TMEM132C: variants seen among roughly 807,000 people sequenced by gnomAD.
The protein encoded by TMEM132C is transmembrane protein 132C.
Under a neutral mutation model 61.4 loss-of-function variants are expected in TMEM132C, and 29 were observed. That is an observed-to-expected ratio of 0.47 (90% CI 0.35 to 0.64). The LOEUF is 0.64. TMEM132C is among the 30% of genes least tolerant of loss of function. The pLI is 0.00. For missense variants in TMEM132C, 1,408 were observed against 1,476.9 expected, an observed-to-expected ratio of 0.95 and a Z score of 0.76; for synonymous variants, 656 against 633.1, an observed-to-expected ratio of 1.04 and a Z score of -0.54.
intron 1 of TMEM132C, among the ~76,000 whole-genome samples, chr12:128,377,236 G>T (rs925012877): frequency 2.0e-5 from 3 of 152,134 alleles, no homozygotes; most frequent in African/African-American, 4.8e-5. Context: ...TGTATTTTTA[G>T]TAGTGACAGG....
At chr12:128,659,734 GGATA>G (rs1437623131) in intron 4 of TMEM132C, among the ~76,000 whole-genome samples, 2 of 152,188 alleles carry the variant, frequency 1.3e-5, no homozygotes, top group African/African-American at 4.8e-5. Flanking sequence ...AAGACGGATT[GGATA>G]GATAGATTTA....
chr12:128,601,517 C>T (rs756040715), intron 3 of TMEM132C, among the ~76,000 whole-genome samples: 2 of 152,130 alleles, frequency 1.3e-5, no homozygotes, highest in African/African-American at 2.4e-5. Context: ...CATCCTGCAC[C>T]GAGGCTGTAT....
intron 2 of TMEM132C, among the ~76,000 whole-genome samples, chr12:128,437,303 ATAAAT>A (rs562010962): frequency 1.7e-3 from 262 of 152,288 alleles, no homozygotes; most frequent in Non-Finnish European, 3.3e-3. Context: ...AATAAAATAA[ATAAAT>A]AAACAAACCA....
chr12:128,343,148 A>G (rs904165428), intron 1 of TMEM132C, among the ~76,000 whole-genome samples: 5 of 152,074 alleles, frequency 3.3e-5, no homozygotes, highest in African/African-American at 1.2e-4. Context: ...AGCTGTGGCC[A>G]GGTGCGATGG....
At chr12:128,362,678 G>C (rs572089313) in intron 1 of TMEM132C, among the ~76,000 whole-genome samples, 1 of 152,292 alleles carries the variant, frequency 6.6e-6, no homozygotes, top group South Asian at 2.1e-4. Flanking sequence ...GATTTCCTTT[G>C]AACGTGACCT....
At chr12:128,337,045 C>T (rs1480097542) in intron 1 of TMEM132C, among the ~76,000 whole-genome samples, 1 of 152,196 alleles carries the variant, frequency 6.6e-6, no homozygotes, top group Non-Finnish European at 1.5e-5. Context: ...AGAAACCAGT[C>T]AGCTTTGAAG....
At chr12:128,384,716 A>C (rs1332967074) in intron 1 of TMEM132C, among the ~76,000 whole-genome samples, 2 of 152,192 alleles carry the variant, frequency 1.3e-5, no homozygotes, top group Non-Finnish European at 2.9e-5. Flanking sequence ...TCATGCAGTG[A>C]GTGAATATTC....
At chr12:128,421,106 G>A (rs78203363) in intron 2 of TMEM132C, among the ~76,000 whole-genome samples, 9,136 of 152,092 alleles carry the variant, frequency 0.06, 928 homozygotes, top group African/African-American at 0.2. Flanking sequence ...CCCAACTGGC[G>A]TACATTGTAC....
intron 1 of TMEM132C, among the ~76,000 whole-genome samples, chr12:128,354,202 C>A (rs1026942637): frequency 2.6e-5 from 4 of 151,964 alleles, no homozygotes; most frequent in Non-Finnish European, 5.9e-5. Flanking sequence ...TCGCATGAAG[C>A]CCCTAGGTGT....
intron 1 of TMEM132C, among the ~76,000 whole-genome samples, chr12:128,295,041 CAA>C (rs10653858): frequency 6.7e-6 from 1 of 148,832 alleles, no homozygotes; most frequent in African/African-American, 2.5e-5. Flanking sequence ...TGTCCCCCAG[CAA>C]AAAAAAAAAA....
At chr12:128,582,038 C>T (rs1263518212) in intron 3 of TMEM132C, among the ~76,000 whole-genome samples, 2 of 152,188 alleles carry the variant, frequency 1.3e-5, no homozygotes, top group Non-Finnish European at 2.9e-5. Context: ...ATTCCAACGA[C>T]AGGATCCCAG....
intron 1 of TMEM132C, among the ~76,000 whole-genome samples, chr12:128,282,370 G>A (rs972193879): frequency 6.6e-6 from 1 of 152,200 alleles, no homozygotes; most frequent in Non-Finnish European, 1.5e-5. Context: ...GCATGGCTTG[G>A]GAGGCCTCAG....
At chr12:128,525,234 G>C (rs1460885051) in intron 2 of TMEM132C, among the ~76,000 whole-genome samples, 1 of 152,156 alleles carries the variant, frequency 6.6e-6, no homozygotes, top group Non-Finnish European at 1.5e-5. Context: ...TCTAGCTTGG[G>C]TGGTTTTCTG....
intron 2 of TMEM132C, among the ~76,000 whole-genome samples, chr12:128,492,943 G>A (rs1871796442): frequency 1.3e-5 from 2 of 152,116 alleles, no homozygotes. Flanking sequence ...GTCCTGAATG[G>A]TATTGCCTAG....
chr12:128,653,458 T>C (rs1002741578), intron 4 of TMEM132C, among the ~76,000 whole-genome samples: 1 of 152,218 alleles, frequency 6.6e-6, no homozygotes, highest in African/African-American at 2.4e-5. Context: ...AGTGTATGCA[T>C]TTGCATTTTC....
Position 128,705,279 on chromosome 12 carries a change from G to C in TMEM132C, c.2311G>C (p.Val771Leu), listed in dbSNP as rs1185921396. ...EGEGQGPLIR[V>L]DMTIAEACQK... ...GGAAGGCCAGGGCCCACTGATCCGAGTGGACATGACGATCGCCGAGGCCTG... is the reference window on the plus strand; with the variant it reads ...GGAAGGCCAGGGCCCACTGATCCGACTGGACATGACGATCGCCGAGGCCTG... Residue 771 changes from valine to leucine, a missense_variant, in exon 9 of 9, where the codon GTG (valine) becomes CTG (leucine). Physicochemically the swap from Val to Leu is conservative, Grantham distance 32. Transcript: ENST00000435159. The C allele has an allele frequency of 6.4e-7, 1 of 1,551,506 alleles. No individual in the cohort carries two copies. The highest frequency in any genetic ancestry group is 2.4e-5 in the East Asian group (1 of 40,930).
chr12:128,457,247 AT>A (rs1381152806), intron 2 of TMEM132C, among the ~76,000 whole-genome samples: 1 of 150,594 alleles, frequency 6.6e-6, no homozygotes, highest in East Asian at 2.0e-4. Context: ...TACCACCAAC[AT>A]TATTTGAGAG....
At chr12:128,328,424 T>G (rs898651362) in intron 1 of TMEM132C, among the ~76,000 whole-genome samples, 8 of 152,184 alleles carry the variant, frequency 5.3e-5, no homozygotes, top group African/African-American at 1.9e-4. Flanking sequence ...GAGGGCAGGA[T>G]GCTGCTGTCT....
intron 4 of TMEM132C, among the ~76,000 whole-genome samples, chr12:128,641,693 G>C (rs550471371): frequency 2.0e-5 from 3 of 152,342 alleles, no homozygotes; most frequent in South Asian, 4.1e-4. Flanking sequence ...AGAACCTTGA[G>C]AGAATAAACT....
Sources: allele counts gnomAD v4.1 joint callset (sites outside exome capture counted in the v4.1 genomes callset), GRCh38; gene constraint gnomAD v4.1.1; transcripts MANE v1.5; gene names NCBI Gene and HGNC (gene_info 2026-07-23, HGNC 2026-07-21).